The following HIVEP1 variants were observed in gnomAD, a reference collection of about 807,000 sequenced individuals.
The protein encoded by HIVEP1 is HIVEP zinc finger 1.
HIVEP1 carries 36 observed loss-of-function variants against 180.0 expected under a neutral mutation model. The observed-to-expected ratio is 0.20, with a 90% confidence interval of 0.15 to 0.26. The LOEUF is 0.26. HIVEP1 is among the 10% of genes least tolerant of loss of function. The pLI, the probability that HIVEP1 is intolerant of heterozygous loss-of-function variation, is 1.00. For synonymous variants in HIVEP1, 1,239 were observed against 1,239.0 expected (o/e 1.00, Z 0.00); for missense variants, 3,143 against 3,268.7 (o/e 0.96, Z 0.94).
intron 2 of HIVEP1, among the ~76,000 whole-genome samples, chr6:12,054,450 A>T (rs1056402640): frequency 8.6e-5 from 13 of 151,966 alleles, no homozygotes; most frequent in Non-Finnish European, 1.6e-4. Context: ...CTACATATGT[A>T]TCTAGACTAT....
chr6:12,167,976 CAT>C (rs1581824134), downstream of HIVEP1, among the ~76,000 whole-genome samples: 1 of 108,082 alleles, frequency 9.3e-6, no homozygotes, highest in East Asian at 2.5e-4. Context: ...ATTATATATA[CAT>C]GTACATGTAT....
Position 12,123,635 on chromosome 6 carries a change from A to G in HIVEP1, c.3840A>G (p.Lys1280=). Residue 1280 remains lysine (K), a synonymous_variant, in exon 4 of 9, where the codon AAA becomes AAG. Transcript: ENST00000379388. The part of the protein sequence containing the change: ...SKLPTEKLPP[K]KKRLRLAEIE... ...TGCCAACAGAGAAACTGCCACCCAA[A>G]AAGAAAAGGCTCCGTCTGGCTGAGA... 1.2e-6 allele frequency: 2 copies of G among 1,614,144 alleles called. No individual in the cohort carries two copies. Among genetic ancestry groups the G allele is most frequent in the Non-Finnish European group, 1.7e-6 (2 of 1,180,042 alleles).
At chr6:12,089,617 T>G (rs1238725288) in intron 3 of HIVEP1, among the ~76,000 whole-genome samples, 1 of 150,260 alleles carries the variant, frequency 6.7e-6, no homozygotes, top group Non-Finnish European at 1.5e-5. Context: ...TTTTTTTTTG[T>G]AGCGACAAAA....
the HIVEP1 span, among the ~76,000 whole-genome samples, chr6:12,184,138 TG>T: frequency 9.9e-5 from 15 of 152,280 alleles, no homozygotes; most frequent in Middle Eastern, 3.4e-3. Flanking sequence ...TCATTTTACC[TG>T]GGGAACACTT....
the HIVEP1 span, among the ~76,000 whole-genome samples, chr6:12,172,665 TTTTTAA>T: frequency 3.3e-5 from 5 of 152,324 alleles, no homozygotes; most frequent in East Asian, 7.7e-4. Context: ...TAGTGCAGTA[TTTTTAA>T]TTTTAACATT....
chr6:12,092,792 T>C (rs1192835200), intron 3 of HIVEP1, among the ~76,000 whole-genome samples: 1 of 152,194 alleles, frequency 6.6e-6, no homozygotes, highest in Non-Finnish European at 1.5e-5. Context: ...ACAAAAAGTT[T>C]AACTGATTTT....
At position 12,012,693 on chromosome 6, in the gene HIVEP1, T is replaced by TGC. The variant is rs1317777749; in HGVS notation, c.-104+129_-104+130dup. ...GCGGGCGCGCGTGTGTGTGTGTGTG[T>TGC]GCGTGTGTGTGCAACCGCCGACCTT... is the stretch of plus-strand genomic sequence containing the variant. On this transcript the variant is annotated intron_variant, in intron 1 of 8. Coordinates refer to ENST00000379388, the MANE Select transcript of HIVEP1 (RefSeq NM_002114.4). 48 of 148,688 alleles carry TGC rather than the reference T, an allele frequency of 3.2e-4. 1 individual carries two copies. The East Asian group carries it at 6.0e-3, about 19-fold the overall frequency. 9.2% of individuals were successfully genotyped at this position (148,688 alleles called of 1,614,324 possible).
rs772331975 is a variant in HIVEP1 at position 12,161,939 on chromosome 6, T to G, written c.6978+10T>G. On this transcript the variant is annotated intron_variant, in intron 8 of 8. Coordinates refer to ENST00000379388, the MANE Select transcript of HIVEP1 (RefSeq NM_002114.4). Reference sequence around the variant, plus strand: ...TGTTGCTATAACACAGGTAAATGATTGGCAGTTGTTCTTTTATTTCTTTTT... The same window carrying G: ...TGTTGCTATAACACAGGTAAATGATGGGCAGTTGTTCTTTTATTTCTTTTT... 6.3e-7 allele frequency: 1 copy of G among 1,583,688 alleles called. No individual in the cohort carries two copies. Among genetic ancestry groups the G allele is most frequent in the Non-Finnish European group, 8.6e-7 (1 of 1,163,188 alleles).
At chr6:12,187,899 C>T in the HIVEP1 span, among the ~76,000 whole-genome samples, 22 of 152,034 alleles carry the variant, frequency 1.4e-4, no homozygotes, top group Admixed American at 1.4e-3. Flanking sequence ...AATCTTTTTC[C>T]TTTATAAATA....
Position 12,161,587 on chromosome 6 carries a change from C to T in HIVEP1, c.6636C>T (p.Ser2212=). ...VLSATPSVTA[S]PQHLPSRSSL... Reference sequence around the variant, plus strand: ...CAGCCACACCCTCAGTCACAGCTAGCCCGCAGCACCTTCCATCTAGAAGTA... The same window carrying T: ...CAGCCACACCCTCAGTCACAGCTAGTCCGCAGCACCTTCCATCTAGAAGTA... The change falls in exon 8 of 9, where the codon AGC becomes AGT. Residue 2212 remains serine, a synonymous_variant. Coordinates refer to ENST00000379388, the MANE Select transcript of HIVEP1 (RefSeq NM_002114.4). 3.1e-6 allele frequency: 5 copies of T among 1,614,112 alleles called. No homozygotes were observed. Among genetic ancestry groups the T allele is most frequent in the Non-Finnish European group, 3.4e-6 (4 of 1,180,004 alleles).
chr6:12,080,679 G>T (rs1772730335), intron 2 of HIVEP1, among the ~76,000 whole-genome samples: 1 of 152,064 alleles, frequency 6.6e-6, no homozygotes, highest in South Asian at 2.1e-4. Context: ...ACTTTTAAAA[G>T]TTTTTTTCTG....
intron 2 of HIVEP1, among the ~76,000 whole-genome samples, chr6:12,050,502 C>T (rs1203105117): frequency 2.6e-5 from 4 of 151,958 alleles, no homozygotes; most frequent in South Asian, 2.1e-4. Context: ...AGGAGAATGG[C>T]GTGAACCCGG....
chr6:12,102,760 C>G (rs1352456780), intron 3 of HIVEP1, among the ~76,000 whole-genome samples: 2 of 152,086 alleles, frequency 1.3e-5, no homozygotes, highest in African/African-American at 4.8e-5. Flanking sequence ...TTTGAAGATA[C>G]AGAAATAACA....
At chr6:12,193,929 C>T in the HIVEP1 span, among the ~76,000 whole-genome samples, 1 of 152,062 alleles carries the variant, frequency 6.6e-6, no homozygotes, top group East Asian at 1.9e-4. Flanking sequence ...TAATGAGAAA[C>T]AATTAATTCA....
chr6:12,044,435 C>G (rs576214223), intron 2 of HIVEP1, among the ~76,000 whole-genome samples: 1 of 152,178 alleles, frequency 6.6e-6, no homozygotes, highest in Non-Finnish European at 1.5e-5. Flanking sequence ...CCTTTCCCCA[C>G]CCCTCACCAT....
the HIVEP1 span, among the ~76,000 whole-genome samples, chr6:12,182,297 T>C: frequency 6.6e-6 from 1 of 152,206 alleles, no homozygotes; most frequent in South Asian, 2.1e-4. Flanking sequence ...AAAATTTCCC[T>C]TTTATTTAAA....
At chr6:12,168,026 GTATATAT>G (rs1268782907), downstream of HIVEP1, among the ~76,000 whole-genome samples, 3 of 35,694 alleles carry the variant, frequency 8.4e-5, no homozygotes, top group African/African-American at 4.3e-4. Flanking sequence ...ATGTATATAT[GTATATAT>G]TATATATACA....
rs1048631237 is a variant in HIVEP1, at chr6:12,072,236, A to G, written c.41-16948A>G. 2.6e-5 allele frequency among the ~76,000 whole-genome samples: 4 copies of G among 152,310 alleles called. No homozygotes were observed. In the East Asian group the frequency reaches 7.7e-4, roughly 29 times the overall value. The stretch of plus-strand genomic sequence containing the variant: ...CCATCAGCCTGAATCAGCCCCTTTT[A>G]GCATTGCTTATAATATTGGCAAGAA... On this transcript the variant is annotated intron_variant, in intron 2 of 8. Coordinates refer to ENST00000379388, the MANE Select transcript of HIVEP1 (RefSeq NM_002114.4).
intron 2 of HIVEP1, among the ~76,000 whole-genome samples, chr6:12,081,315 T>C (rs948757136): frequency 2.6e-5 from 4 of 152,182 alleles, no homozygotes; most frequent in Admixed American, 2.6e-4. Flanking sequence ...TCACACTTGG[T>C]TGGCTCCTGC....
Sources: gnomAD v4.1 joint callset for allele counts (sites outside exome capture counted in the v4.1 genomes callset) on GRCh38, gnomAD v4.1.1 for gene constraint, MANE v1.5 for transcripts, NCBI Gene and HGNC (gene_info 2026-07-23, HGNC 2026-07-21) for gene names.